ATP2B4: variants seen among roughly 807,000 people sequenced by gnomAD.
ATP2B4 encodes the protein plasma membrane calcium-transporting ATPase 4.
A neutral mutation model predicts 110.3 loss-of-function variants in ATP2B4; 39 were observed. The ratio of observed to expected loss-of-function variants is 0.35; its 90% confidence interval spans 0.27 to 0.46. ATP2B4 has a LOEUF of 0.46. ATP2B4 is among the 20% of genes least tolerant of loss of function. The pLI is 1.00. For synonymous variants in ATP2B4, 538 were observed against 571.7 expected (o/e 0.94, Z 0.84); for missense variants, 1,135 against 1,530.9 (o/e 0.74, Z 4.32).
At chr1:203,685,418 T>C (rs6692632) in intron 2 of ATP2B4, among the ~76,000 whole-genome samples, 126,771 of 152,262 alleles carry the variant, frequency 0.83, 53,597 homozygotes, top group East Asian at 1. Context: ...GGGCTTTCAG[T>C]CTCATGTGGT....
chr1:203,660,237 C>T lies in ATP2B4; in HGVS notation c.-464-22505C>T, dbSNP rs546621158. On this transcript the variant is annotated intron_variant, in intron 1 of 20. Coordinates refer to ENST00000357681, the MANE Select transcript of ATP2B4 (RefSeq NM_001684.5). ...TCTCTAATGCCAAAACATCATGTAA[C>T]AGCCAAGACCATGAGTTTTTTGGAC... Among the ~76,000 whole-genome samples, 9 of 152,264 alleles carry T rather than the reference C, an allele frequency of 5.9e-5. 2 individuals carry two copies. In the South Asian group the frequency reaches 1.9e-3, roughly 32 times the overall value.
At chr1:203,642,184 G>T (rs1054984562) in intron 1 of ATP2B4, among the ~76,000 whole-genome samples, 24 of 152,002 alleles carry the variant, frequency 1.6e-4, no homozygotes, top group African/African-American at 5.8e-4. Flanking sequence ...TGGGCTCAAG[G>T]GATCCTCCCA....
intron 1 of ATP2B4, among the ~76,000 whole-genome samples, chr1:203,632,488 C>T (rs567060710): frequency 4.0e-5 from 6 of 151,508 alleles, no homozygotes; most frequent in African/African-American, 1.2e-4. Context: ...GGACTACAGG[C>T]GCCTGCCACC....
chr1:203,738,505 T>C (rs1348518700), intron 20 of ATP2B4, among the ~76,000 whole-genome samples: 2 of 152,190 alleles, frequency 1.3e-5, no homozygotes, highest in Admixed American at 6.5e-5. Flanking sequence ...ATGCATCTCC[T>C]TTTGCCCAGT....
intron 2 of ATP2B4, among the ~76,000 whole-genome samples, chr1:203,690,305 A>C (rs1665328118): frequency 1.3e-5 from 2 of 152,196 alleles, no homozygotes; most frequent in South Asian, 4.1e-4. Flanking sequence ...AATTTCTAGT[A>C]GTATTGTCAA....
intron 1 of ATP2B4, among the ~76,000 whole-genome samples, chr1:203,672,873 G>A (rs149471615): frequency 5.7e-4 from 87 of 152,202 alleles, no homozygotes; most frequent in African/African-American, 1.9e-3. Flanking sequence ...TTAACTTTTC[G>A]AATAGACCTT....
chr1:203,641,666 G>C (rs961806653), intron 1 of ATP2B4, among the ~76,000 whole-genome samples: 2 of 152,012 alleles, frequency 1.3e-5, no homozygotes, highest in Non-Finnish European at 2.9e-5. Flanking sequence ...ACATGCTATG[G>C]TTCCCATTTT....
Position 203,741,115 on chromosome 1 carries a change from T to C in ATP2B4, c.*1261T>C, listed in dbSNP as rs1033084160. ...TTCTGATTCTAATTTTTGCCACGTG[T>C]CACAACTTTTCCAGTCTCTGAGAAG... On this transcript the variant is annotated 3_prime_UTR_variant, in exon 21 of 21. Transcript: ENST00000357681. 1 of 152,416 alleles carries C rather than the reference T, an allele frequency of 6.6e-6. No individual in the cohort carries two copies. The highest frequency in any genetic ancestry group is 2.4e-5 in the African/African-American group (1 of 41,456). 9.4% of individuals were successfully genotyped at this position (152,416 alleles called of 1,614,324 possible).
At chr1:203,688,593 T>C (rs1665275394) in intron 2 of ATP2B4, among the ~76,000 whole-genome samples, 1 of 152,148 alleles carries the variant, frequency 6.6e-6, no homozygotes, top group African/African-American at 2.4e-5. Context: ...TGAGCCCTCA[T>C]GCGCAGCCTC....
intron 1 of ATP2B4, among the ~76,000 whole-genome samples, chr1:203,681,599 C>T (rs1665015197): frequency 6.6e-6 from 1 of 152,168 alleles, no homozygotes; most frequent in Non-Finnish European, 1.5e-5. Flanking sequence ...AGCGGCCCCA[C>T]TCTGAAACTG....
At chr1:203,679,068 T>C (rs555425310) in intron 1 of ATP2B4, among the ~76,000 whole-genome samples, 11 of 152,328 alleles carry the variant, frequency 7.2e-5, no homozygotes, top group Admixed American at 5.9e-4. Flanking sequence ...TATCATCTCT[T>C]AGGCTTGCAA....
chr1:203,656,461 C>T (rs1188128649), intron 1 of ATP2B4, among the ~76,000 whole-genome samples: 2 of 152,076 alleles, frequency 1.3e-5, no homozygotes, highest in Non-Finnish European at 2.9e-5. Flanking sequence ...TAGACCTTTG[C>T]GGTATTCAGA....
rs1326814321 is a variant in ATP2B4, at chr1:203,700,390, G to A, written c.775+59G>A. On this transcript the variant is annotated intron_variant, in intron 5 of 20. Coordinates refer to ENST00000357681, the MANE Select transcript of ATP2B4 (RefSeq NM_001684.5). ...CTCCCTGCAAACACCTAGGCCACAG[G>A]ATCCAGACCCTGTTCTCTCCTCTGA... The A allele has an allele frequency of 3.1e-5, 49 of 1,564,198 alleles. 1 individual carries two copies. The East Asian group carries it at 1.0e-3, about 32-fold the overall frequency.
chr1:203,723,829 G>C (rs1666421005), intron 18 of ATP2B4, 52 bp from the exon 19 acceptor site: 1 of 1,460,938 alleles, frequency 6.8e-7, no homozygotes. Flanking sequence ...TGGAGGGCCA[G>C]CTGCCTGTTA....
chr1:203,639,989 A>C (rs1027055737), intron 1 of ATP2B4, among the ~76,000 whole-genome samples: 1 of 152,212 alleles, frequency 6.6e-6, no homozygotes, highest in African/African-American at 2.4e-5. Flanking sequence ...CAGTTGGTAC[A>C]TGCTGTACAC....
chr1:203,674,750 G>A (rs539946683), intron 1 of ATP2B4, among the ~76,000 whole-genome samples: 3 of 141,880 alleles, frequency 2.1e-5, no homozygotes, highest in East Asian at 4.4e-4. Context: ...TCCATCTCCC[G>A]GGTTCAAGCA....
chr1:203,689,109 A>G (rs1005447693), intron 2 of ATP2B4, among the ~76,000 whole-genome samples: 1 of 152,192 alleles, frequency 6.6e-6, no homozygotes, highest in African/African-American at 2.4e-5. Flanking sequence ...TTTGGTTGGT[A>G]TAGGCTAGAA....
At position 203,739,825 on chromosome 1, in the gene ATP2B4, T is replaced by C. The variant is rs1259825492; in HGVS notation, c.3589T>C (p.Ser1197Pro). 6.2e-7 allele frequency: 1 copy of C among 1,613,866 alleles called. No homozygotes were observed. Among genetic ancestry groups the C allele is most frequent in the African/African-American group, 1.3e-5 (1 of 74,914 alleles). ...AGTGCAGCTCCCCCAGTCGGACAGC[T>C]CTCTACAGAGCCTAGAGACATCAGT... ...NQVQLPQSDS[S>P]LQSLETSV Residue 1197 changes from serine (S) to proline (P), a missense_variant, in exon 21 of 21, where the codon TCT becomes CCT. Ser to Pro is a moderately conservative substitution (Grantham distance 74). Around this residue, in one of 9 missense-constraint regions of ATP2B4, gnomAD observed 92 missense variants for 82.5 expected, o/e 1.11. Transcript: ENST00000357681.
At position 203,729,773 on chromosome 1, in the gene ATP2B4, G is replaced by A. The variant is rs1044895676; in HGVS notation, c.3309+2202G>A. 3 of 1,333,234 alleles carry A rather than the reference G, an allele frequency of 2.3e-6. No homozygotes were observed. In the African/African-American group the frequency reaches 4.5e-5, roughly 20 times the overall value. The allele number at this position is 1,333,234 out of a possible 1,614,324, so 82.6% of individuals were successfully genotyped here. ...CACATCCAATTGGGCAGGCATTGGAGTCCGGGCACTGCCTGGAGCTCACCA... is the reference window on the plus strand; with the variant it reads ...CACATCCAATTGGGCAGGCATTGGAATCCGGGCACTGCCTGGAGCTCACCA... On this transcript the variant is annotated intron_variant, in intron 20 of 20. Transcript: ENST00000357681.
Sources: gnomAD v4.1 joint callset for allele counts (sites outside exome capture counted in the v4.1 genomes callset) on GRCh38, gnomAD v4.1.1 for gene constraint, gnomAD v4.1.1 regional missense constraint, MANE v1.5 for transcripts, NCBI Gene and HGNC (gene_info 2026-07-23, HGNC 2026-07-21) for gene names.